Variants in NMNAT3 observed in about 807,000 individuals in gnomAD.
NMNAT3 encodes nicotinamide/nicotinic acid mononucleotide adenylyltransferase 3.
NMNAT3 carries 21 observed loss-of-function variants against 24.8 expected under a neutral mutation model. The observed-to-expected ratio is 0.85, with a 90% CI of 0.60 to 1.22. NMNAT3 has a LOEUF of 1.22. Ranked by LOEUF, NMNAT3 falls within the 50% of genes most tolerant of loss-of-function variation. The probability of loss-of-function intolerance (pLI) is 0.00; values close to 1 mark genes in which losing one functional copy is unlikely to be tolerated. For missense variants in NMNAT3, 387 were observed against 436.6 expected, an observed-to-expected ratio of 0.89 and a Z score of 1.01; for synonymous variants, 136 against 155.2, an observed-to-expected ratio of 0.88 and a Z score of 0.92.
chr3:139,561,274 C>T lies in NMNAT3; in HGVS notation c.777G>A (p.Val259=), dbSNP rs369598682. ...CTTTTGGGTCGTGACCTACTCGGCC[C>T]ACGCACACCAAGCCAAACTTCTCCA... Residue 259 remains valine (V), a synonymous_variant, in exon 7 of 7, where the codon GTG becomes GTA. Transcript: ENST00000643695. 3 of 1,613,948 alleles carry T rather than the reference C, an allele frequency of 1.9e-6. No individual in the cohort carries two copies. The highest frequency in any genetic ancestry group is 1.1e-5 in the South Asian group (1 of 91,054).
chr3:139,662,524 T>C (rs1298511817), intron 1 of NMNAT3, among the ~76,000 whole-genome samples: 1 of 152,032 alleles, frequency 6.6e-6, no homozygotes, highest in Non-Finnish European at 1.5e-5. Context: ...GCAGTAGCAT[T>C]AGGGTGATGG....
rs561687561 is a variant in NMNAT3 at position 139,665,380 on chromosome 3, C to T, written c.-141+12325G>A. Among the ~76,000 whole-genome samples the T allele has an allele frequency of 1.3e-4, 20 of 152,258 alleles. No homozygotes were observed. In the South Asian group the frequency reaches 3.1e-3, roughly 24 times the overall value. On this transcript the variant is annotated intron_variant, in intron 1 of 6. Transcript: ENST00000643695. The stretch of plus-strand genomic sequence containing the variant: ...CTCCTTCTTCCCTCCTTGGCACAGA[C>T]GTCTTCGGCAAAGTGTGGACACAGA...
At chr3:139,591,564 T>C (rs1223588825) in intron 3 of NMNAT3, among the ~76,000 whole-genome samples, 2 of 152,136 alleles carry the variant, frequency 1.3e-5, no homozygotes, top group Non-Finnish European at 2.9e-5. Context: ...GACTTAAATG[T>C]CCCTGTCTGA....
At chr3:139,650,826 C>T (rs1363008550) in intron 1 of NMNAT3, among the ~76,000 whole-genome samples, 1 of 152,194 alleles carries the variant, frequency 6.6e-6, no homozygotes, top group African/African-American at 2.4e-5. Flanking sequence ...CATTTCCCTT[C>T]CTCGAGGCAG....
At chr3:139,595,251 C>T (rs972921301) in intron 3 of NMNAT3, among the ~76,000 whole-genome samples, 68 of 152,236 alleles carry the variant, frequency 4.5e-4, no homozygotes, top group Non-Finnish European at 2.9e-4. Context: ...ATCCAACTTA[C>T]AAGGGATGTG....
intron 1 of NMNAT3, among the ~76,000 whole-genome samples, chr3:139,651,033 A>C (rs1033038263): frequency 6.6e-6 from 1 of 152,226 alleles, no homozygotes; most frequent in Non-Finnish European, 1.5e-5. Context: ...CTCAGAAGTG[A>C]TTATTTAAAA....
intron 3 of NMNAT3, among the ~76,000 whole-genome samples, chr3:139,593,713 T>C (rs1316877749): frequency 2.7e-5 from 4 of 148,860 alleles, no homozygotes; most frequent in Non-Finnish European, 5.9e-5. Flanking sequence ...GAATGACTAC[T>C]GGGTACATAA....
intron 5 of NMNAT3, among the ~76,000 whole-genome samples, chr3:139,578,186 C>G (rs1438065403): frequency 6.6e-6 from 1 of 152,220 alleles, no homozygotes; most frequent in East Asian, 1.9e-4. Context: ...CAGACACAAG[C>G]TAGTGACCCA....
intron 6 of NMNAT3, chr3:139,566,173 T>A (rs976698426): frequency 1.3e-5 from 2 of 152,226 alleles, no homozygotes; most frequent in African/African-American, 4.8e-5. Flanking sequence ...TTGAGAAGTG[T>A]CTGTTCATAT....
At chr3:139,675,163 C>CACACACACACACACACACACACAT (rs1335255635) in intron 1 of NMNAT3, among the ~76,000 whole-genome samples, 2 of 151,500 alleles carry the variant, frequency 1.3e-5, no homozygotes, top group African/African-American at 4.9e-5. Flanking sequence ...CACACACACA[C>CACACACACACACACACACACACAT]GTGCACATAT....
intron 1 of NMNAT3, among the ~76,000 whole-genome samples, chr3:139,640,758 T>C (rs1283303158): frequency 2.0e-5 from 3 of 152,150 alleles, no homozygotes; most frequent in Non-Finnish European, 4.4e-5. Flanking sequence ...CTCTCCAATT[T>C]CGTGTAATAT....
chr3:139,599,478 C>T (rs2054617967), intron 3 of NMNAT3: 12 of 693,854 alleles, frequency 1.7e-5, no homozygotes, highest in Non-Finnish European at 3.1e-5. Context: ...TCTAAGAGAT[C>T]AGGAGCAACT....
At chr3:139,633,362 T>C (rs1427426645) in intron 2 of NMNAT3, among the ~76,000 whole-genome samples, 2 of 152,028 alleles carry the variant, frequency 1.3e-5, no homozygotes, top group Non-Finnish European at 2.9e-5. Context: ...GTATTTTTAG[T>C]AGAGACGGGG....
intron 3 of NMNAT3, among the ~76,000 whole-genome samples, chr3:139,614,399 T>C (rs905859507): frequency 1.3e-5 from 2 of 152,224 alleles, no homozygotes; most frequent in Non-Finnish European, 2.9e-5. Flanking sequence ...GACTTGCCCA[T>C]TGAGGAGGCC....
At chr3:139,623,825 C>T (rs2055915338) in intron 3 of NMNAT3, among the ~76,000 whole-genome samples, 2 of 152,194 alleles carry the variant, frequency 1.3e-5, no homozygotes, top group African/African-American at 4.8e-5. Flanking sequence ...TCCTGATCTG[C>T]CTGCATTGGC....
At chr3:139,607,381 C>G (rs1262067283) in intron 3 of NMNAT3, among the ~76,000 whole-genome samples, 1 of 152,166 alleles carries the variant, frequency 6.6e-6, no homozygotes, top group African/African-American at 2.4e-5. Flanking sequence ...ATCATTTACT[C>G]AATCTTAGTA....
intron 1 of NMNAT3, among the ~76,000 whole-genome samples, chr3:139,655,473 C>G (rs917922546): frequency 6.6e-6 from 1 of 152,216 alleles, no homozygotes; most frequent in African/African-American, 2.4e-5. Context: ...ATAATGCCCT[C>G]TCTTTGAGGC....
Position 139,663,091 on chromosome 3 carries a change from T to G in NMNAT3, c.-141+14614A>C, listed in dbSNP as rs994165819. Among the ~76,000 whole-genome samples, 10 of 152,338 alleles carry G rather than the reference T, an allele frequency of 6.6e-5. No individual in the cohort carries two copies. In the Middle Eastern group the frequency reaches 0.017, roughly 259 times the overall value. On this transcript the variant is annotated intron_variant, in intron 1 of 6. Coordinates refer to ENST00000643695, the MANE Select transcript of NMNAT3 (RefSeq NM_001320510.2). Reference sequence around the variant, plus strand: ...AGTCCAAAAGGGACTACAGTTAAGGTGTCAGCAGGGCTGTGTTCCTTTCTG... The same window carrying G: ...AGTCCAAAAGGGACTACAGTTAAGGGGTCAGCAGGGCTGTGTTCCTTTCTG...
chr3:139,641,341 G>A (rs1002450746), intron 1 of NMNAT3, among the ~76,000 whole-genome samples: 1 of 152,232 alleles, frequency 6.6e-6, no homozygotes, highest in Non-Finnish European at 1.5e-5. Context: ...GTATTGATCT[G>A]CTATGCTACG....
Sources: allele counts gnomAD v4.1 joint callset (sites outside exome capture counted in the v4.1 genomes callset), GRCh38; gene constraint gnomAD v4.1.1; transcripts MANE v1.5; gene names NCBI Gene and HGNC (gene_info 2026-07-23, HGNC 2026-07-21).